The following TRPC5 variants were observed in gnomAD, a reference collection of about 807,000 sequenced individuals.
TRPC5 encodes transient receptor potential cation channel subfamily C member 5.
A neutral mutation model predicts 56.5 loss-of-function variants in TRPC5; 9 were observed. That is an observed-to-expected ratio of 0.16 (90% confidence interval 0.10 to 0.28). TRPC5 has a LOEUF of 0.28. TRPC5 is among the 10% of genes least tolerant of loss of function. The pLI, the probability that TRPC5 is intolerant of heterozygous loss-of-function variation, is 1.00. For missense variants in TRPC5, 469 were observed against 748.9 expected (o/e 0.63, Z 4.36); for synonymous variants, 282 against 278.5 (o/e 1.01, Z -0.13).
At chrX:112,081,844 GT>G (rs1020149372) in intron 1 of TRPC5, 34 bp downstream of exon 1, 7 of 112,283 alleles carry the variant, frequency 6.2e-5, no homozygotes, top group Non-Finnish European at 1.1e-4. Context: ...CACTCAGGCA[GT>G]GAAATGGACC....
intron 1 of TRPC5, among the ~76,000 whole-genome samples, chrX:112,033,857 C>T (rs1929653278): frequency 3.6e-5 from 4 of 111,657 alleles, no homozygotes; most frequent in Admixed American, 1.9e-4. Flanking sequence ...CTTGAGCCCA[C>T]AAGCAAGTTT....
intron 1 of TRPC5, among the ~76,000 whole-genome samples, chrX:112,073,102 C>T (rs1460668103): frequency 8.9e-6 from 1 of 112,015 alleles, no homozygotes; most frequent in East Asian, 2.8e-4. Context: ...TGTGAATTCC[C>T]TGTAGTGCCT....
chrX:111,987,701 T>C (rs1474171148), intron 1 of TRPC5, among the ~76,000 whole-genome samples: 2 of 112,494 alleles, frequency 1.8e-5, no homozygotes, highest in Non-Finnish European at 3.8e-5. Flanking sequence ...TTCGATTGTA[T>C]ATGTACACCA....
intron 1 of TRPC5, among the ~76,000 whole-genome samples, chrX:112,070,330 A>G (rs1453717508): frequency 9.0e-6 from 1 of 111,530 alleles, no homozygotes; most frequent in Non-Finnish European, 1.9e-5. Context: ...GGTTGTGCAG[A>G]TTGACGCCGC....
At chrX:111,918,979 G>A (rs895658672) in intron 2 of TRPC5, among the ~76,000 whole-genome samples, 4 of 110,748 alleles carry the variant, frequency 3.6e-5, no homozygotes, top group African/African-American at 1.3e-4. Flanking sequence ...CACGTATTGG[G>A]CTGAAGAGGA....
intron 1 of TRPC5, among the ~76,000 whole-genome samples, chrX:112,035,822 G>A (rs1256895544): frequency 2.8e-5 from 3 of 108,328 alleles, no homozygotes. Context: ...TAGGAGAGAC[G>A]GGGTTTCACC....
chrX:112,054,980 C>T (rs1392888187), intron 1 of TRPC5, among the ~76,000 whole-genome samples: 1 of 111,380 alleles, frequency 9.0e-6, no homozygotes, highest in East Asian at 2.8e-4. Context: ...ATGTCATGAA[C>T]AATATGGGAA....
chrX:112,017,962 A>T (rs1253905747), intron 1 of TRPC5, among the ~76,000 whole-genome samples: 1 of 112,560 alleles, frequency 8.9e-6, no homozygotes, highest in Non-Finnish European at 1.9e-5. Flanking sequence ...AAGACTTAGT[A>T]CAATAAAAAA....
At chrX:112,043,730 T>C (rs369760916) in intron 1 of TRPC5, among the ~76,000 whole-genome samples, 2 of 110,684 alleles carry the variant, frequency 1.8e-5, no homozygotes, top group East Asian at 5.6e-4. Context: ...TTAAGTCCTT[T>C]CCCTGAAAAC....
chrX:112,056,814 G>C lies in TRPC5; in HGVS notation c.-22+25065C>G, dbSNP rs181589306. On this transcript the variant is annotated intron_variant, in intron 1 of 10. Coordinates refer to ENST00000262839, the MANE Select transcript of TRPC5 (RefSeq NM_012471.3). ...GTGTCTAGCAGGCATCTCTAAAGTG[G>C]GGTAGCGGCATAGGCAGCATTTACA... Among the ~76,000 whole-genome samples, 386 of 112,201 alleles carry C rather than the reference G, an allele frequency of 3.4e-3. 2 individuals are homozygous for C. The highest frequency in any genetic ancestry group is 0.012 in the African/African-American group (374 of 30,935).
Position 111,768,470 on chromosome X carries a change from T to C in TRPC5, c.*7843A>G, listed in dbSNP as rs1238827393. On this transcript the variant is annotated 3_prime_UTR_variant, in exon 11 of 11. Coordinates refer to ENST00000262839, the MANE Select transcript of TRPC5 (RefSeq NM_012471.3). The stretch of plus-strand genomic sequence containing the variant: ...AACCCCATTTTTGAGAAATATGGAA[T>C]AAATAGAATCCTGTGAAGAGTTTAA... 8.9e-6 allele frequency among the ~76,000 whole-genome samples: 1 copy of C among 112,014 alleles called. No homozygotes were observed. The highest frequency in any genetic ancestry group is 1.9e-5 in the Non-Finnish European group (1 of 53,143).
At chrX:111,933,628 C>T (rs748698314) in intron 2 of TRPC5, among the ~76,000 whole-genome samples, 1 of 111,387 alleles carries the variant, frequency 9.0e-6, no homozygotes, top group Non-Finnish European at 1.9e-5. Flanking sequence ...GAATTGCTTT[C>T]GAGGTTATTT....
intron 3 of TRPC5, among the ~76,000 whole-genome samples, chrX:111,888,693 C>CAAAAAAAAAAAAAA (rs753735549): frequency 1.6e-3 from 17 of 10,913 alleles, no homozygotes; most frequent in Non-Finnish European, 3.2e-3. Context: ...GACTCTATCT[C>CAAAAAAAAAAAAAA]AAAAAAAAAA....
At chrX:111,787,235 A>C (rs1449074111) in intron 7 of TRPC5, among the ~76,000 whole-genome samples, 1 of 111,839 alleles carries the variant, frequency 8.9e-6, no homozygotes, top group East Asian at 2.8e-4. Context: ...TCAAATTAGA[A>C]CTCAGGGTTA....
chrX:111,785,826 T>C (rs754028586), intron 7 of TRPC5, among the ~76,000 whole-genome samples: 1 of 110,506 alleles, frequency 9.0e-6, no homozygotes, highest in Non-Finnish European at 1.9e-5. Context: ...TGATTGAAGA[T>C]CAAAGTAAGG....
intron 1 of TRPC5, among the ~76,000 whole-genome samples, chrX:112,026,678 G>C (rs775195128): frequency 6.3e-5 from 7 of 110,593 alleles, no homozygotes; most frequent in Admixed American, 9.7e-5. Flanking sequence ...AGTTCTTATA[G>C]TCTATGCTTG....
intron 1 of TRPC5, among the ~76,000 whole-genome samples, chrX:112,040,097 A>G (rs1929854351): frequency 8.9e-6 from 1 of 112,286 alleles, no homozygotes; most frequent in Non-Finnish European, 1.9e-5. Context: ...GTACTCTTAC[A>G]TCTAACAGAT....
At chrX:111,819,686 T>G (rs1603042732) in intron 7 of TRPC5, among the ~76,000 whole-genome samples, 1 of 111,808 alleles carries the variant, frequency 8.9e-6, no homozygotes, top group Non-Finnish European at 1.9e-5. Context: ...TGTACTCAGA[T>G]AGTCATAATG....
intron 1 of TRPC5, among the ~76,000 whole-genome samples, chrX:112,052,059 A>C (rs1930228370): frequency 8.9e-6 from 1 of 111,928 alleles, no homozygotes; most frequent in African/African-American, 3.3e-5. Context: ...CCTTTTGGCT[A>C]TTGTGAATAA....
Sources: allele counts gnomAD v4.1 joint callset (sites outside exome capture counted in the v4.1 genomes callset), GRCh38; gene constraint gnomAD v4.1.1; transcripts MANE v1.5; gene names NCBI Gene and HGNC (gene_info 2026-07-23, HGNC 2026-07-21).